EBF2: variants seen among roughly 807,000 people sequenced by gnomAD.
EBF2 encodes EBF transcription factor 2, also known as transcription factor COE2.
A neutral mutation model predicts 72.8 loss-of-function variants in EBF2; 21 were observed. That is an observed-to-expected ratio of 0.29 (90% CI 0.20 to 0.42). EBF2 has a LOEUF of 0.42. Ranked by LOEUF, EBF2 falls within the 10% of genes least tolerant of loss-of-function variation. EBF2 has a pLI of 1.00. For missense variants in EBF2, 637 were observed against 731.2 expected (o/e 0.87, Z 1.49); for synonymous variants, 299 against 274.2 (o/e 1.09, Z -0.89).
At chr8:25,950,499 C>G (rs1199440830) in intron 6 of EBF2, among the ~76,000 whole-genome samples, 2 of 152,186 alleles carry the variant, frequency 1.3e-5, no homozygotes, top group African/African-American at 4.8e-5. Flanking sequence ...AGGCAGATAC[C>G]CAGGCCGCCA....
chr8:25,915,163 A>G (rs1259709419), intron 6 of EBF2, among the ~76,000 whole-genome samples: 1 of 152,192 alleles, frequency 6.6e-6, no homozygotes, highest in Non-Finnish European at 1.5e-5. Context: ...AACAAGATTC[A>G]GAAAGGTTAA....
Position 26,044,903 on chromosome 8 carries a change from AC to A in EBF2, c.-45del. The stretch of plus-strand genomic sequence containing the variant: ...TACTGTCGCTTTAAAAGTAAGAGTT[AC>A]AACACAGTCCTGACTGTTCCCAACG... On this transcript the variant is annotated 5_prime_UTR_variant, in exon 1 of 16. Transcript: ENST00000520164. This position sits in a 1 kb window ranked among gnomAD's most constrained non-coding sequence, Gnocchi z 4.1. The A allele has an allele frequency of 6.2e-7, 1 of 1,607,106 alleles. No individual in the cohort carries two copies. The highest frequency in any genetic ancestry group is 8.5e-7 in the Non-Finnish European group (1 of 1,175,992).
chr8:26,022,210 T>C (rs10503781), intron 6 of EBF2, among the ~76,000 whole-genome samples: 20,117 of 152,218 alleles, frequency 0.13, 1,708 homozygotes, highest in East Asian at 0.43. Flanking sequence ...CTGGATACCT[T>C]GTCTCTTATC....
chr8:25,856,413 A>G lies in EBF2; in HGVS notation c.1528+1906T>C, dbSNP rs147103304. Among the ~76,000 whole-genome samples, 33 of 152,320 alleles carry G rather than the reference A, an allele frequency of 2.2e-4. No individual in the cohort carries two copies. In the East Asian group the frequency reaches 5.6e-3, roughly 26 times the overall value. ...TTAAAAACGTGGTATTCTGAGTGTG[A>G]TGATGTGTTCTAGTCCCTTTTTTAC... is the stretch of plus-strand genomic sequence containing the variant. On this transcript the variant is annotated intron_variant, in intron 14 of 15. Transcript: ENST00000520164.
At chr8:25,939,722 G>T (rs978219179) in intron 6 of EBF2, among the ~76,000 whole-genome samples, 1 of 152,124 alleles carries the variant, frequency 6.6e-6, no homozygotes, top group African/African-American at 2.4e-5. Context: ...CTTAACTTTT[G>T]TTCTTTCTCC....
intron 6 of EBF2, among the ~76,000 whole-genome samples, chr8:25,932,399 G>C (rs1585199604): frequency 6.6e-6 from 1 of 151,508 alleles, no homozygotes; most frequent in East Asian, 1.9e-4. Flanking sequence ...AAAAAGAACG[G>C]GCAGCGTACG....
Position 25,858,500 on chromosome 8 carries a change from G to A in EBF2, c.1347C>T (p.Tyr449=), listed in dbSNP as rs774097453. 16 of 1,613,356 alleles carry A rather than the reference G, an allele frequency of 9.9e-6. No individual in the cohort carries two copies. Among genetic ancestry groups the A allele is most frequent in the Non-Finnish European group, 1.4e-5 (16 of 1,179,846 alleles). ...GAGAGATGCTGCTTGTGTTGCGGAT[G>A]TACCCTTGGCAACAAAGAAAAAGCC... ...SESTQGNNQG[Y]IRNTSSISPR... The change falls in exon 14 of 16, where the codon TAC becomes TAT. Residue 449 remains tyrosine, a synonymous_variant. Coordinates refer to ENST00000520164, the MANE Select transcript of EBF2 (RefSeq NM_022659.4).
chr8:25,907,886 T>G (rs924670682), intron 7 of EBF2, among the ~76,000 whole-genome samples: 4 of 152,192 alleles, frequency 2.6e-5, no homozygotes, highest in African/African-American at 9.6e-5. Context: ...TGATACACTT[T>G]GCCTCGCTCT....
intron 6 of EBF2, among the ~76,000 whole-genome samples, chr8:26,004,697 A>C (rs956044721): frequency 6.6e-6 from 1 of 151,278 alleles, no homozygotes; most frequent in African/African-American, 2.4e-5. Flanking sequence ...AAAAAAAAAA[A>C]AAGTAGGTTT....
chr8:26,028,451 G>A (rs1805339616), intron 6 of EBF2, among the ~76,000 whole-genome samples: 2 of 152,146 alleles, frequency 1.3e-5, no homozygotes, highest in Admixed American at 6.5e-5. Context: ...GGTAGCCTAC[G>A]AAGATTCAAA....
chr8:25,983,351 C>T (rs1171994573), intron 6 of EBF2, among the ~76,000 whole-genome samples: 1 of 152,166 alleles, frequency 6.6e-6, no homozygotes, highest in Non-Finnish European at 1.5e-5. Flanking sequence ...AGGGGACACA[C>T]AAAAGCGAAA....
chr8:25,882,127 C>A (rs1802613908), intron 10 of EBF2, among the ~76,000 whole-genome samples: 2 of 152,094 alleles, frequency 1.3e-5, no homozygotes, highest in Admixed American at 1.3e-4. Context: ...GAAGGCTAAA[C>A]TAAAAGAGCA....
At chr8:25,938,965 C>A (rs1488375335) in intron 6 of EBF2, among the ~76,000 whole-genome samples, 1 of 152,110 alleles carries the variant, frequency 6.6e-6, no homozygotes, top group African/African-American at 2.4e-5. Flanking sequence ...TACAGCTGAG[C>A]TTCCCAGAGA....
At chr8:25,925,832 A>G (rs1803376966) in intron 6 of EBF2, among the ~76,000 whole-genome samples, 1 of 152,094 alleles carries the variant, frequency 6.6e-6, no homozygotes, top group African/African-American at 2.4e-5. Context: ...TCATTTTCAT[A>G]ATAGGAAGAT....
chr8:25,929,715 CAT>C (rs755324694), intron 6 of EBF2, among the ~76,000 whole-genome samples: 13 of 152,206 alleles, frequency 8.5e-5, no homozygotes, highest in Non-Finnish European at 1.3e-4. Flanking sequence ...TCTAAACACA[CAT>C]GAGTAAGGTC....
chr8:26,000,251 A>G (rs1373685934), intron 6 of EBF2, among the ~76,000 whole-genome samples: 1 of 152,124 alleles, frequency 6.6e-6, no homozygotes, highest in East Asian at 1.9e-4. Flanking sequence ...GTCACTGGGC[A>G]CCACAGTTTG....
At chr8:25,960,316 A>T (rs1340685806) in intron 6 of EBF2, among the ~76,000 whole-genome samples, 5 of 152,220 alleles carry the variant, frequency 3.3e-5, no homozygotes, top group African/African-American at 1.2e-4. Context: ...TTATGCCCTC[A>T]GGGCCAGCGG....
intron 13 of EBF2, among the ~76,000 whole-genome samples, chr8:25,860,058 A>G (rs555585641): frequency 6.6e-6 from 1 of 152,236 alleles, no homozygotes; most frequent in Non-Finnish European, 1.5e-5. Flanking sequence ...CAAAAAAAAA[A>G]TGAGGAATTC....
intron 8 of EBF2, among the ~76,000 whole-genome samples, chr8:25,888,278 T>C (rs1238311275): frequency 6.6e-6 from 1 of 152,232 alleles, no homozygotes; most frequent in Non-Finnish European, 1.5e-5. Flanking sequence ...ATTCTGCGGA[T>C]GGGCTGCTTT....
Sources: gnomAD v4.1 joint callset for allele counts (sites outside exome capture counted in the v4.1 genomes callset) on GRCh38, gnomAD v4.1.1 for gene constraint, Gnocchi (gnomAD v3.1) non-coding constraint, MANE v1.5 for transcripts, NCBI Gene and HGNC (gene_info 2026-07-23, HGNC 2026-07-21) for gene names.